KCNH1: variants seen among roughly 807,000 people sequenced by gnomAD.
KCNH1 encodes potassium voltage-gated channel subfamily H member 1.
Under a neutral mutation model 69.2 loss-of-function variants are expected in KCNH1, and 27 were observed. That is an observed-to-expected ratio of 0.39 (90% confidence interval 0.29 to 0.54). The LOEUF is 0.54. Among genes scored for constraint, KCNH1 ranks in the 20% least tolerant of loss-of-function variants. The probability of loss-of-function intolerance (pLI) is 0.68; values close to 1 mark genes in which losing one functional copy is unlikely to be tolerated. For synonymous variants in KCNH1, 456 were observed against 487.7 expected (o/e 0.93, Z 0.86); for missense variants, 798 against 1,261.6 (o/e 0.63, Z 5.57).
intron 6 of KCNH1, among the ~76,000 whole-genome samples, chr1:210,995,818 G>A (rs1273561219): frequency 6.6e-6 from 1 of 152,150 alleles, no homozygotes; most frequent in African/African-American, 2.4e-5. Context: ...TTTGGGGATT[G>A]TGTATAATGG....
Position 210,741,143 on chromosome 1 carries a change from C to T in KCNH1, c.2112+34205G>A, listed in dbSNP as rs138378856. 5.3e-5 allele frequency among the ~76,000 whole-genome samples: 8 copies of T among 152,230 alleles called. No homozygotes were observed. The East Asian group carries it at 1.4e-3, about 26-fold the overall frequency. ...TAGGATCCTTCGAATGACTGGAGTA[C>T]GTATCATCGAGTATAAGAAGAAGTG... On this transcript the variant is annotated intron_variant, in intron 10 of 10. Coordinates refer to ENST00000271751, the MANE Select transcript of KCNH1 (RefSeq NM_172362.3).
rs761833070 is a variant in KCNH1, at chr1:211,133,861, T to C, written c.79+6A>G. The C allele has an allele frequency of 4.4e-6, 7 of 1,607,616 alleles. No homozygotes were observed. Among genetic ancestry groups the C allele is most frequent in the Non-Finnish European group, 5.1e-6 (6 of 1,177,140 alleles). ...CGGGTAATCGAAATCCGAATGCACC[T>C]CTTACCATTGGACCGCCGAACAATA... On this transcript the variant is annotated splice_donor_region_variant and intron_variant, in intron 1 of 10. Coordinates refer to ENST00000271751, the MANE Select transcript of KCNH1 (RefSeq NM_172362.3). This position sits in a 1 kb window ranked among gnomAD's most constrained non-coding sequence, Gnocchi z 5.4.
At chr1:210,739,678 T>A (rs1429226902) in intron 10 of KCNH1, among the ~76,000 whole-genome samples, 2 of 152,250 alleles carry the variant, frequency 1.3e-5, no homozygotes, top group African/African-American at 4.8e-5. Flanking sequence ...CTGATACCTT[T>A]TTCAGCTCCA....
chr1:210,772,670 C>T (rs1186618925), intron 10 of KCNH1, among the ~76,000 whole-genome samples: 1 of 152,144 alleles, frequency 6.6e-6, no homozygotes, highest in African/African-American at 2.4e-5. Flanking sequence ...AAGTCCCTTC[C>T]ACAATGTTTC....
intron 7 of KCNH1, among the ~76,000 whole-genome samples, chr1:210,909,582 C>T (rs1298671140): frequency 6.6e-6 from 1 of 152,110 alleles, no homozygotes; most frequent in African/African-American, 2.4e-5. Context: ...AAGTACCTTC[C>T]TGACTATTAA....
At chr1:210,860,243 C>T in intron 7 of KCNH1, 1 of 1,470,780 alleles carries the variant, frequency 6.8e-7, no homozygotes, top group African/African-American at 1.4e-5. Context: ...TGCTGAAAGA[C>T]TTCAAATACA....
intron 6 of KCNH1, among the ~76,000 whole-genome samples, chr1:210,990,264 A>T (rs551385987): frequency 6.6e-5 from 10 of 152,330 alleles, no homozygotes; most frequent in African/African-American, 2.4e-4. Context: ...AAGAGGGTAT[A>T]ATGGCTAAGC....
intron 6 of KCNH1, among the ~76,000 whole-genome samples, chr1:210,970,689 G>A (rs926169002): frequency 6.6e-6 from 1 of 152,050 alleles, no homozygotes; most frequent in African/African-American, 2.4e-5. Context: ...AAAAATACTG[G>A]AAGAAAACTT....
At chr1:211,044,581 C>T (rs1198905114) in intron 5 of KCNH1, among the ~76,000 whole-genome samples, 1 of 151,980 alleles carries the variant, frequency 6.6e-6, no homozygotes, top group Non-Finnish European at 1.5e-5. Flanking sequence ...AAATTAATCC[C>T]ATCAAAAAGT....
chr1:211,072,970 C>T lies in KCNH1; in HGVS notation c.558+9810G>A, dbSNP rs376917188. On this transcript the variant is annotated intron_variant, in intron 5 of 10. Coordinates refer to ENST00000271751, the MANE Select transcript of KCNH1 (RefSeq NM_172362.3). ...GAAAAAACAAGACCCAACTATATGT[C>T]GTCTACAGAAAGTCACTTTAAATAT... Among the ~76,000 whole-genome samples the T allele has an allele frequency of 5.3e-5, 8 of 152,192 alleles. No homozygotes were observed. The East Asian group carries it at 1.3e-3, about 26-fold the overall frequency.
At chr1:210,860,008 G>A (rs751186041) in intron 7 of KCNH1, 5 of 1,588,454 alleles carry the variant, frequency 3.1e-6, no homozygotes, top group Non-Finnish European at 4.3e-6. Flanking sequence ...ACGAATAAGG[G>A]AATGCACTGG....
At chr1:210,783,439 C>A (rs1343066379) in intron 9 of KCNH1, among the ~76,000 whole-genome samples, 1 of 152,164 alleles carries the variant, frequency 6.6e-6, no homozygotes, top group East Asian at 1.9e-4. Flanking sequence ...TGGTAATGAA[C>A]CCATGACTTT....
rs117713015 is a variant in KCNH1 at position 211,065,710 on chromosome 1, T to C, written c.558+17070A>G. On this transcript the variant is annotated intron_variant, in intron 5 of 10. Coordinates refer to ENST00000271751, the MANE Select transcript of KCNH1 (RefSeq NM_172362.3). ...TGATTTAGCCATTCTACAATGTATATATATTTCAAGACAACATGTTATACA... is the reference window on the plus strand; with the variant it reads ...TGATTTAGCCATTCTACAATGTATACATATTTCAAGACAACATGTTATACA... 4.8e-4 allele frequency among the ~76,000 whole-genome samples: 73 copies of C among 152,306 alleles called. No homozygotes were observed. In the East Asian group the frequency reaches 9.6e-3, roughly 20 times the overall value.
At chr1:210,715,977 G>A (rs1574203695) in intron 10 of KCNH1, among the ~76,000 whole-genome samples, 1 of 152,268 alleles carries the variant, frequency 6.6e-6, no homozygotes, top group East Asian at 1.9e-4. Flanking sequence ...AAGGAAAGTA[G>A]ATCCTGGGAC....
chr1:210,769,945 G>A (rs982343126), intron 10 of KCNH1, among the ~76,000 whole-genome samples: 1 of 152,162 alleles, frequency 6.6e-6, no homozygotes, highest in Non-Finnish European at 1.5e-5. Flanking sequence ...AGTGGTTCCT[G>A]CAGGTAATGT....
Position 210,759,816 on chromosome 1 carries a change from T to C in KCNH1, c.2112+15532A>G, listed in dbSNP as rs551798639. ...TGCTAGAGAGGTCAACAGGCAGATA[T>C]AAGAAATCTAGAGAATTCCTGTGAG... On this transcript the variant is annotated intron_variant, in intron 10 of 10. Transcript: ENST00000271751. Among the ~76,000 whole-genome samples, 12 of 152,220 alleles carry C rather than the reference T, an allele frequency of 7.9e-5. No homozygotes were observed. In the South Asian group the frequency reaches 2.5e-3, roughly 32 times the overall value.
chr1:211,106,630 C>A (rs368664214), intron 2 of KCNH1, among the ~76,000 whole-genome samples: 152 of 137,552 alleles, frequency 1.1e-3, no homozygotes, highest in Admixed American at 1.1e-3. Flanking sequence ...ACTAAAAATA[C>A]AAAAAAAAAA....
At chr1:211,056,152 G>A (rs894749201) in intron 5 of KCNH1, among the ~76,000 whole-genome samples, 1 of 152,192 alleles carries the variant, frequency 6.6e-6, no homozygotes, top group Non-Finnish European at 1.5e-5. Context: ...CCCTGGACCT[G>A]CCCTAAGACA....
At chr1:210,714,993 T>C (rs1682191156) in intron 10 of KCNH1, among the ~76,000 whole-genome samples, 1 of 152,160 alleles carries the variant, frequency 6.6e-6, no homozygotes, top group African/African-American at 2.4e-5. Flanking sequence ...AGACTACCCA[T>C]CAGAGACCTG....
Sources: gnomAD v4.1 joint callset for allele counts (sites outside exome capture counted in the v4.1 genomes callset) on GRCh38, gnomAD v4.1.1 for gene constraint, Gnocchi (gnomAD v3.1) non-coding constraint, MANE v1.5 for transcripts, NCBI Gene and HGNC (gene_info 2026-07-23, HGNC 2026-07-21) for gene names.